MCC: variants seen among roughly 807,000 people sequenced by gnomAD.
MCC encodes colorectal mutant cancer protein.
A neutral mutation model predicts 116.2 loss-of-function variants in MCC; 90 were observed. The ratio of observed to expected loss-of-function variants is 0.77; its 90% CI spans 0.65 to 0.92. The LOEUF (loss-of-function observed/expected upper bound fraction) is 0.92. MCC is among the 40% of genes least tolerant of loss of function. The pLI is 0.00. For missense variants in MCC, 1,516 were observed against 1,312.2 expected, an observed-to-expected ratio of 1.16 and a Z score of -2.40; for synonymous variants, 578 against 510.5, an observed-to-expected ratio of 1.13 and a Z score of -1.78.
intron 9 of MCC, among the ~76,000 whole-genome samples, chr5:113,084,681 T>C (rs959436893): frequency 6.6e-6 from 1 of 152,238 alleles, no homozygotes; most frequent in Non-Finnish European, 1.5e-5. Context: ...ACATAGGTAC[T>C]GGGGGGCTGT....
At chr5:113,094,306 T>C (rs557798498) in intron 8 of MCC, among the ~76,000 whole-genome samples, 1 of 152,128 alleles carries the variant, frequency 6.6e-6, no homozygotes, top group Non-Finnish European at 1.5e-5. Flanking sequence ...AGCATTTCCA[T>C]CTCTCGGTAA....
In MCC at chr5:113,334,576, G is replaced by A. The variant is rs368062470; in HGVS notation, c.627+5943C>T. On this transcript the variant is annotated intron_variant, in intron 3 of 18. Coordinates refer to ENST00000408903, the MANE Select transcript of MCC (RefSeq NM_001085377.2). ...CAATCACTTGGAAGTGACAATTCAA[G>A]GTTCTGATTTCTGATTTTTTTTTTT... Among the ~76,000 whole-genome samples the A allele has an allele frequency of 7.7e-5, 11 of 142,616 alleles. No homozygotes were observed. In the East Asian group the frequency reaches 1.6e-3, roughly 21 times the overall value. 93.6% of individuals were successfully genotyped at this position (142,616 alleles called of 152,430 possible).
intron 2 of MCC, among the ~76,000 whole-genome samples, chr5:113,348,904 G>C (rs1768197664): frequency 6.6e-6 from 1 of 151,902 alleles, no homozygotes; most frequent in African/African-American, 2.4e-5. Flanking sequence ...AATTCAAAGG[G>C]TCATTAGGTG....
At chr5:113,366,591 G>A in intron 2 of MCC, among the ~76,000 whole-genome samples, 1 of 152,190 alleles carries the variant, frequency 6.6e-6, no homozygotes. Flanking sequence ...TCCTACCTGA[G>A]AAGACGCTGA....
At chr5:113,487,821 C>T (rs1399839761) in intron 1 of MCC, among the ~76,000 whole-genome samples, 3 of 151,292 alleles carry the variant, frequency 2.0e-5, no homozygotes, top group African/African-American at 4.9e-5. Context: ...CGGTGCGGCC[C>T]TGGGGTGTCC....
At position 113,425,085 on chromosome 5, in the gene MCC, AT is replaced by A. The variant is rs534077919; in HGVS notation, c.171-39874del. Among the ~76,000 whole-genome samples the A allele has an allele frequency of 2.6e-5, 4 of 152,128 alleles. No homozygotes were observed. The East Asian group carries it at 5.8e-4, about 22-fold the overall frequency. ...GGGTCCACAAAGGACCACAGAAACAATTTTTTTTAAAGACATGAAATATCAG... is the reference window on the plus strand; with the variant it reads ...GGGTCCACAAAGGACCACAGAAACAATTTTTTTAAAGACATGAAATATCAG... On this transcript the variant is annotated intron_variant, in intron 1 of 18. Transcript: ENST00000408903.
At chr5:113,186,056 T>A (rs1479405260) in intron 3 of MCC, among the ~76,000 whole-genome samples, 1 of 152,136 alleles carries the variant, frequency 6.6e-6, no homozygotes, top group East Asian at 1.9e-4. Flanking sequence ...CAACAATGCA[T>A]AAACCTAGTT....
At chr5:113,334,297 T>G (rs567774671) in intron 3 of MCC, among the ~76,000 whole-genome samples, 2 of 150,810 alleles carry the variant, frequency 1.3e-5, no homozygotes, top group South Asian at 4.2e-4. Context: ...AACTTTCACC[T>G]CCCGAGCTCA....
chr5:113,071,474 C>T (rs1189427511), intron 11 of MCC, among the ~76,000 whole-genome samples: 1 of 152,176 alleles, frequency 6.6e-6, no homozygotes, highest in African/African-American at 2.4e-5. Context: ...CATTGCCACA[C>T]TCACTCCATG....
chr5:113,468,041 G>A (rs1771967073), intron 1 of MCC, among the ~76,000 whole-genome samples: 1 of 152,172 alleles, frequency 6.6e-6, no homozygotes, highest in African/African-American at 2.4e-5. Flanking sequence ...TGTATCCTGA[G>A]ACTTTGCTGA....
chr5:113,069,713 C>G (rs1753896930), intron 12 of MCC, among the ~76,000 whole-genome samples: 1 of 152,188 alleles, frequency 6.6e-6, no homozygotes. Flanking sequence ...TCCTGAGTAG[C>G]TGGGACTACA....
At chr5:113,277,906 C>A (rs1381296265) in intron 3 of MCC, among the ~76,000 whole-genome samples, 3 of 152,188 alleles carry the variant, frequency 2.0e-5, no homozygotes, top group Non-Finnish European at 4.4e-5. Context: ...CAACAGTCTA[C>A]TGCACATTTC....
intron 2 of MCC, among the ~76,000 whole-genome samples, chr5:113,383,601 G>A (rs1010364196): frequency 6.6e-6 from 1 of 151,832 alleles, no homozygotes; most frequent in African/African-American, 2.4e-5. Flanking sequence ...ATTTCCAGGT[G>A]GTAGGATTAG....
At chr5:113,055,191 A>G (rs1752751892) in intron 14 of MCC, among the ~76,000 whole-genome samples, 1 of 152,208 alleles carries the variant, frequency 6.6e-6, no homozygotes, top group Non-Finnish European at 1.5e-5. Context: ...AAGAGGTGCA[A>G]CTAGACTTGG....
At chr5:113,441,705 A>C (rs111755350) in intron 1 of MCC, among the ~76,000 whole-genome samples, 1,615 of 152,060 alleles carry the variant, frequency 0.011, 34 homozygotes, top group African/African-American at 0.037. Flanking sequence ...CCCTGTGTCC[A>C]CATGTTCTCA....
At position 113,384,990 on chromosome 5, in the gene MCC, G is replaced by C; in HGVS notation, c.393C>G (p.Pro131=). ...KKLRDRIASW[P]TSSDNSLGAL... ...TACCCAAACTGTTGTCACTGCTCGT[G>C]GGCCAGGAAGCAATTCTATCCCTCA... The change falls in exon 2 of 19, where the codon CCC becomes CCG. Residue 131 remains proline (P), a synonymous_variant. Coordinates refer to ENST00000408903, the MANE Select transcript of MCC (RefSeq NM_001085377.2). 6.2e-7 allele frequency: 1 copy of C among 1,614,166 alleles called. No homozygotes were observed. Among genetic ancestry groups the C allele is most frequent in the African/African-American group, 1.3e-5 (1 of 75,030 alleles).
At position 113,084,093 on chromosome 5, in the gene MCC, A is replaced by G; in HGVS notation, c.1635+8T>C. ...TACTTTCTTGCCTTGCTTCTCATGAACACTCACCCCTATGCTACTGATTTC... is the reference window on the plus strand; with the variant it reads ...TACTTTCTTGCCTTGCTTCTCATGAGCACTCACCCCTATGCTACTGATTTC... On this transcript the variant is annotated splice_region_variant and intron_variant, in intron 10 of 18. Transcript: ENST00000408903. 1 of 1,612,988 alleles carries G rather than the reference A, an allele frequency of 6.2e-7. No homozygotes were observed. Among genetic ancestry groups the G allele is most frequent in the Middle Eastern group, 1.7e-4 (1 of 6,060 alleles).
intron 1 of MCC, among the ~76,000 whole-genome samples, chr5:113,419,156 C>CTTTT (rs768872637): frequency 6.7e-6 from 1 of 150,204 alleles, no homozygotes; most frequent in Non-Finnish European, 1.5e-5. Flanking sequence ...TAGGAATATT[C>CTTTT]TTTTTTTTCT....
At chr5:113,427,762 A>G (rs1356633894) in intron 1 of MCC, among the ~76,000 whole-genome samples, 2 of 152,238 alleles carry the variant, frequency 1.3e-5, no homozygotes, top group Non-Finnish European at 2.9e-5. Context: ...ACTCAGTAAA[A>G]TTCTCTGCAG....
Sources: allele counts gnomAD v4.1 joint callset (sites outside exome capture counted in the v4.1 genomes callset), GRCh38; gene constraint gnomAD v4.1.1; transcripts MANE v1.5; gene names NCBI Gene and HGNC (gene_info 2026-07-23, HGNC 2026-07-21).